PCSK5: variants seen among roughly 807,000 people sequenced by gnomAD.
The protein encoded by PCSK5 is proprotein convertase subtilisin/kexin type 5.
In PCSK5, 129 loss-of-function variants were observed where a neutral mutation model predicts 233.2. The observed-to-expected ratio is 0.55, with a 90% CI of 0.48 to 0.64. The LOEUF (loss-of-function observed/expected upper bound fraction) is 0.64, where lower values mean the gene tolerates loss of function less well. Ranked by LOEUF, PCSK5 falls within the 30% of genes least tolerant of loss-of-function variation. The pLI is 0.00. For missense variants in PCSK5, 2,076 were observed against 2,430.1 expected (o/e 0.85, Z 3.06); for synonymous variants, 825 against 879.2 (o/e 0.94, Z 1.09).
chr9:75,975,302 T>C (rs1825969895), intron 2 of PCSK5, among the ~76,000 whole-genome samples: 1 of 152,188 alleles, frequency 6.6e-6, no homozygotes, highest in Non-Finnish European at 1.5e-5. Context: ...GCAATGGAGC[T>C]GAATTAGTCA....
intron 5 of PCSK5, among the ~76,000 whole-genome samples, chr9:76,035,298 G>C (rs1828813040): frequency 6.6e-6 from 1 of 152,124 alleles, no homozygotes; most frequent in African/African-American, 2.4e-5. Context: ...TTTAATGAAA[G>C]CCAAGTAAAT....
At chr9:76,296,205 T>C (rs923963727) in intron 26 of PCSK5, among the ~76,000 whole-genome samples, 1 of 152,262 alleles carries the variant, frequency 6.6e-6, no homozygotes, top group African/African-American at 2.4e-5. Flanking sequence ...CCTCAGGTGA[T>C]CCACCCACCT....
chr9:76,100,812 T>C (rs771667567), intron 8 of PCSK5, among the ~76,000 whole-genome samples: 4 of 152,194 alleles, frequency 2.6e-5, no homozygotes, highest in Non-Finnish European at 5.9e-5. Flanking sequence ...TGCAAAAAAC[T>C]CAAGCTGAGT....
At chr9:76,030,952 G>T (rs1828630104) in intron 5 of PCSK5, among the ~76,000 whole-genome samples, 1 of 152,106 alleles carries the variant, frequency 6.6e-6, no homozygotes, top group Admixed American at 6.5e-5. Flanking sequence ...CACAGACATT[G>T]TTCCCAGTGT....
intron 7 of PCSK5, among the ~76,000 whole-genome samples, chr9:76,076,626 A>G (rs1162782783): frequency 6.6e-6 from 1 of 152,212 alleles, no homozygotes; most frequent in Non-Finnish European, 1.5e-5. Context: ...CTGCAAGCTA[A>G]TGAAAAAATG....
intron 24 of PCSK5, among the ~76,000 whole-genome samples, chr9:76,291,385 G>A (rs1011174619): frequency 2.0e-5 from 3 of 152,300 alleles, no homozygotes; most frequent in Non-Finnish European, 2.9e-5. Flanking sequence ...CAAGAGGAAC[G>A]TTTTAAGGAG....
intron 3 of PCSK5, among the ~76,000 whole-genome samples, chr9:76,004,130 A>C (rs1413104646): frequency 6.6e-6 from 1 of 152,036 alleles, no homozygotes; most frequent in Non-Finnish European, 1.5e-5. Context: ...AATCTAGAAG[A>C]GCTCCTCTGC....
rs1829531402 is a variant in PCSK5 at position 76,331,428 on chromosome 9, G to A, written c.4571-1005G>A. Among the ~76,000 whole-genome samples the A allele has an allele frequency of 2.0e-5, 3 of 152,060 alleles. No homozygotes were observed. In the South Asian group the frequency reaches 6.2e-4, roughly 32 times the overall value. On this transcript the variant is annotated intron_variant, in intron 33 of 37. Coordinates refer to ENST00000674117, the MANE Select transcript of PCSK5 (RefSeq NM_001372043.1). ...CACGCCTGTAATCCCAGCACTTTGG[G>A]AGGCCGAGGTGGGCGGATCACAAGG...
At chr9:76,109,515 G>A (rs1302208460) in intron 9 of PCSK5, among the ~76,000 whole-genome samples, 11 of 148,332 alleles carry the variant, frequency 7.4e-5, no homozygotes, top group Admixed American at 2.0e-4. Context: ...AATAACCTAA[G>A]ATAAGGTCAC....
intron 7 of PCSK5, among the ~76,000 whole-genome samples, chr9:76,079,813 G>A (rs1037813113): frequency 2.0e-5 from 3 of 152,108 alleles, no homozygotes; most frequent in Admixed American, 6.5e-5. Context: ...GTCATAGATG[G>A]CTCTTATTAT....
intron 5 of PCSK5, among the ~76,000 whole-genome samples, chr9:76,031,916 G>A (rs776201200): frequency 3.3e-5 from 5 of 152,076 alleles, no homozygotes; most frequent in South Asian, 2.1e-4. Context: ...GTTTATTTCC[G>A]GAGTTAGAAG....
At chr9:76,095,422 A>C (rs1001346576) in intron 7 of PCSK5, among the ~76,000 whole-genome samples, 2 of 152,320 alleles carry the variant, frequency 1.3e-5, no homozygotes, top group Middle Eastern at 3.4e-3. Context: ...TACAACTAAT[A>C]ATATCCCAAC....
At chr9:76,219,684 G>A (rs904629188) in intron 20 of PCSK5, among the ~76,000 whole-genome samples, 1 of 152,114 alleles carries the variant, frequency 6.6e-6, no homozygotes, top group Non-Finnish European at 1.5e-5. Flanking sequence ...CATGGGAAGC[G>A]CTCTCAGCAG....
At chr9:76,230,987 C>G (rs538811644) in intron 21 of PCSK5, among the ~76,000 whole-genome samples, 1 of 152,190 alleles carries the variant, frequency 6.6e-6, no homozygotes, top group East Asian at 1.9e-4. Flanking sequence ...CCTCTGCCCC[C>G]CATTTGTAGA....
chr9:76,169,109 C>T lies in PCSK5; in HGVS notation c.1620-595C>T, dbSNP rs140692419. Among the ~76,000 whole-genome samples, 1,305 of 152,288 alleles carry T rather than the reference C, an allele frequency of 8.6e-3. 10 individuals are homozygous for T. Among genetic ancestry groups the T allele is most frequent in the Non-Finnish European group, 0.014 (928 of 68,028 alleles). On this transcript the variant is annotated intron_variant, in intron 12 of 37. Coordinates refer to ENST00000674117, the MANE Select transcript of PCSK5 (RefSeq NM_001372043.1). Reference sequence around the variant, plus strand: ...CAATCTGTGATTGAATTCACACATGCAGAATCCACAGATACAGAGGGCCGA... The same window carrying T: ...CAATCTGTGATTGAATTCACACATGTAGAATCCACAGATACAGAGGGCCGA...
At chr9:76,324,773 T>C (rs1293248152) in intron 32 of PCSK5, among the ~76,000 whole-genome samples, 4 of 152,162 alleles carry the variant, frequency 2.6e-5, no homozygotes, top group Non-Finnish European at 4.4e-5. Flanking sequence ...AGAGAAATGT[T>C]GTGGGGCGGG....
At chr9:75,952,809 C>T (rs1225185065) in intron 2 of PCSK5, among the ~76,000 whole-genome samples, 1 of 152,200 alleles carries the variant, frequency 6.6e-6, no homozygotes, top group Non-Finnish European at 1.5e-5. Context: ...TCGTTCATTT[C>T]TGTTGCTTAG....
At chr9:76,342,630 A>G (rs1202070900) in intron 35 of PCSK5, among the ~76,000 whole-genome samples, 18 of 152,186 alleles carry the variant, frequency 1.2e-4, no homozygotes, top group Admixed American at 1.2e-3. Context: ...GGTGGCTTCC[A>G]ATATTACCTA....
chr9:76,226,360 A>G lies in PCSK5; in HGVS notation c.2627-1143A>G, dbSNP rs563725354. Reference sequence around the variant, plus strand: ...CATGCTAGCTGTACCAGTCCAGTAAAGCGATGGGGGAAAGAGGGATGAATT... The same window carrying G: ...CATGCTAGCTGTACCAGTCCAGTAAGGCGATGGGGGAAAGAGGGATGAATT... On this transcript the variant is annotated intron_variant, in intron 20 of 37. Coordinates refer to ENST00000674117, the MANE Select transcript of PCSK5 (RefSeq NM_001372043.1). Among the ~76,000 whole-genome samples, 10 of 152,350 alleles carry G rather than the reference A, an allele frequency of 6.6e-5. No homozygotes were observed. In the East Asian group the frequency reaches 1.5e-3, roughly 23 times the overall value.
Sources: gnomAD v4.1 joint callset for allele counts (sites outside exome capture counted in the v4.1 genomes callset) on GRCh38, gnomAD v4.1.1 for gene constraint, MANE v1.5 for transcripts, NCBI Gene and HGNC (gene_info 2026-07-23, HGNC 2026-07-21) for gene names.